The following ARID5B variants were observed in gnomAD, a reference collection of about 807,000 sequenced individuals.
ARID5B encodes the protein AT-rich interaction domain 5B.
A neutral mutation model predicts 97.2 loss-of-function variants in ARID5B; 13 were observed. The observed-to-expected ratio is 0.13, with a 90% CI of 0.09 to 0.21. ARID5B has a LOEUF of 0.21. Ranked by LOEUF, ARID5B falls within the 10% of genes least tolerant of loss-of-function variation. The probability of loss-of-function intolerance (pLI) is 1.00; values close to 1 mark genes in which losing one functional copy is unlikely to be tolerated. For missense variants in ARID5B, 1,210 were observed against 1,465.3 expected, an observed-to-expected ratio of 0.83 and a Z score of 2.84; for synonymous variants, 556 against 570.3, an observed-to-expected ratio of 0.97 and a Z score of 0.36.
chr10:61,982,814 T>C (rs974428545), intron 3 of ARID5B, among the ~76,000 whole-genome samples: 2 of 152,202 alleles, frequency 1.3e-5, no homozygotes, highest in Non-Finnish European at 2.9e-5. Context: ...TTATTGTACA[T>C]AAGAAGATGA....
chr10:61,933,101 C>T (rs1231023486), intron 2 of ARID5B, among the ~76,000 whole-genome samples: 1 of 152,174 alleles, frequency 6.6e-6, no homozygotes, highest in Non-Finnish European at 1.5e-5. Context: ...AACAAAAAAA[C>T]ATTGTTGACA....
intron 4 of ARID5B, among the ~76,000 whole-genome samples, chr10:62,014,178 A>G (rs555259353): frequency 1.3e-5 from 2 of 152,182 alleles, no homozygotes; most frequent in East Asian, 1.9e-4. Context: ...AGGAACTTCC[A>G]TACTGTTTCC....
At chr10:61,939,310 T>C (rs1331804479) in intron 2 of ARID5B, among the ~76,000 whole-genome samples, 1 of 152,146 alleles carries the variant, frequency 6.6e-6, no homozygotes, top group African/African-American at 2.4e-5. Flanking sequence ...TTCCAAAGAA[T>C]CTTTGGGTGA....
At chr10:62,080,363 G>A (rs888917945) in intron 8 of ARID5B, among the ~76,000 whole-genome samples, 1 of 152,270 alleles carries the variant, frequency 6.6e-6, no homozygotes, top group South Asian at 2.1e-4. Context: ...GGTTGTGCCC[G>A]CTGAGGAAAC....
intron 3 of ARID5B, among the ~76,000 whole-genome samples, chr10:61,991,209 A>G (rs1407716052): frequency 1.3e-5 from 2 of 152,232 alleles, no homozygotes; most frequent in African/African-American, 2.4e-5. Flanking sequence ...TCTTTGGAGT[A>G]TATACCTAGG....
chr10:61,985,648 A>G (rs1838836553), intron 3 of ARID5B, among the ~76,000 whole-genome samples: 1 of 152,140 alleles, frequency 6.6e-6, no homozygotes, highest in South Asian at 2.1e-4. Flanking sequence ...GTCCTAAAAA[A>G]CATTAAATTA....
chr10:61,997,078 A>C (rs934874957), intron 3 of ARID5B, among the ~76,000 whole-genome samples: 1 of 152,068 alleles, frequency 6.6e-6, no homozygotes, highest in African/African-American at 2.4e-5. Flanking sequence ...TCTCGATGGC[A>C]CAGTATCTGA....
intron 4 of ARID5B, among the ~76,000 whole-genome samples, chr10:62,048,830 T>C (rs1368911234): frequency 6.6e-6 from 1 of 152,218 alleles, no homozygotes; most frequent in Non-Finnish European, 1.5e-5. Context: ...TTCACCAAAA[T>C]GCTAGGAAGG....
intron 4 of ARID5B, among the ~76,000 whole-genome samples, chr10:62,039,751 C>T (rs1261464897): frequency 6.6e-6 from 1 of 152,210 alleles, no homozygotes; most frequent in Non-Finnish European, 1.5e-5. Context: ...CCCCAGAGTT[C>T]AAACCTTTTT....
chr10:62,087,820 T>G (rs1197904923), intron 9 of ARID5B, among the ~76,000 whole-genome samples: 1 of 152,068 alleles, frequency 6.6e-6, no homozygotes, highest in Non-Finnish European at 1.5e-5. Flanking sequence ...TCATAATTAT[T>G]TTAAGCTCTA....
intron 8 of ARID5B, among the ~76,000 whole-genome samples, chr10:62,073,818 T>C (rs1196823549): frequency 2.0e-5 from 3 of 152,224 alleles, no homozygotes; most frequent in Non-Finnish European, 4.4e-5. Flanking sequence ...GCTCAGGATT[T>C]ATAGATGAAG....
At chr10:61,979,979 G>C (rs1026417135) in intron 3 of ARID5B, among the ~76,000 whole-genome samples, 3 of 152,102 alleles carry the variant, frequency 2.0e-5, no homozygotes, top group African/African-American at 7.2e-5. Flanking sequence ...TGTAATCCCA[G>C]TTACTCAGGA....
At chr10:62,010,424 G>C (rs1756238118) in intron 4 of ARID5B, among the ~76,000 whole-genome samples, 2 of 152,180 alleles carry the variant, frequency 1.3e-5, no homozygotes, top group Non-Finnish European at 1.5e-5. Flanking sequence ...AGCTCCTTGA[G>C]GGGGTAAGAA....
intron 3 of ARID5B, among the ~76,000 whole-genome samples, chr10:61,952,843 GGTGTGTGTGTGT>G (rs59658634): frequency 6.1e-5 from 9 of 147,866 alleles, no homozygotes; most frequent in African/African-American, 1.2e-4. Flanking sequence ...TGGTGTTATA[GGTGTGTGTGTGT>G]GTGTGTGTGT....
intron 3 of ARID5B, among the ~76,000 whole-genome samples, chr10:61,960,638 A>G (rs1236171307): frequency 6.6e-6 from 1 of 151,022 alleles, no homozygotes; most frequent in Non-Finnish European, 1.5e-5. Flanking sequence ...TTGAAGCCCA[A>G]GATGAGAAGC....
intron 4 of ARID5B, among the ~76,000 whole-genome samples, chr10:62,018,482 C>T (rs1839311828): frequency 6.6e-6 from 1 of 152,006 alleles, no homozygotes; most frequent in Non-Finnish European, 1.5e-5. Context: ...AGTTGTAATA[C>T]CAATATCATT....
chr10:61,978,122 T>C (rs1218492469), intron 3 of ARID5B, among the ~76,000 whole-genome samples: 1 of 152,254 alleles, frequency 6.6e-6, no homozygotes, highest in African/African-American at 2.4e-5. Flanking sequence ...AGGGAATCCT[T>C]TCCCCATTCC....
chr10:61,924,283 C>T (rs1256173063), intron 2 of ARID5B, among the ~76,000 whole-genome samples: 1 of 152,164 alleles, frequency 6.6e-6, no homozygotes, highest in Non-Finnish European at 1.5e-5. Flanking sequence ...ACACCACAGT[C>T]GTTGAACAGG....
Position 61,926,792 on chromosome 10 carries a change from T to C in ARID5B, c.277-13391T>C, listed in dbSNP as rs1004679863. Among the ~76,000 whole-genome samples, 3 of 151,904 alleles carry C rather than the reference T, an allele frequency of 2.0e-5. No homozygotes were observed. In the East Asian group the frequency reaches 5.8e-4, roughly 30 times the overall value. On this transcript the variant is annotated intron_variant, in intron 2 of 9. Transcript: ENST00000279873. ...CCCAGCTAGTTTTTGGGTTTTTTTG[T>C]ATTTTGTATTTTTAATAGAGATGGG...
Sources: allele counts gnomAD v4.1 joint callset (sites outside exome capture counted in the v4.1 genomes callset), GRCh38; gene constraint gnomAD v4.1.1; transcripts MANE v1.5; gene names NCBI Gene and HGNC (gene_info 2026-07-23, HGNC 2026-07-21).